PRRC2B: variants seen among roughly 807,000 people sequenced by gnomAD.
The protein encoded by PRRC2B is proline rich coiled-coil 2B.
A neutral mutation model predicts 242.3 loss-of-function variants in PRRC2B; 68 were observed. That is an observed-to-expected ratio of 0.28 (90% CI 0.23 to 0.34). The LOEUF is 0.34. PRRC2B is among the 10% of genes least tolerant of loss of function. The probability of loss-of-function intolerance (pLI) is 1.00; values close to 1 mark genes in which losing one functional copy is unlikely to be tolerated. For missense variants in PRRC2B, 2,835 were observed against 2,954.8 expected, an observed-to-expected ratio of 0.96 and a Z score of 0.94; for synonymous variants, 1,228 against 1,173.6, an observed-to-expected ratio of 1.05 and a Z score of -0.95.
chr9:131,495,816 T>C lies in PRRC2B; in HGVS notation c.6632T>C (p.Met2211Thr), dbSNP rs958751382. 16 of 1,613,322 alleles carry C rather than the reference T, an allele frequency of 9.9e-6. No homozygotes were observed. Among genetic ancestry groups the C allele is most frequent in the Non-Finnish European group, 1.4e-5 (16 of 1,179,384 alleles). Residue 2211 changes from methionine to threonine, a missense_variant, in exon 32 of 32, where the codon ATG becomes ACG. By Grantham distance (81) the Met-to-Thr change is moderately conservative. Coordinates refer to ENST00000683519, the MANE Select transcript of PRRC2B (RefSeq NM_013318.4). ...LQEAPSAASQ[M>T]KRTGAIKPRA... The stretch of plus-strand genomic sequence containing the variant: ...GAGGCCCCCTCGGCTGCCTCCCAGA[T>C]GAAGCGAACCGGAGCGATCAAGCCT...
At chr9:131,404,395 T>C (rs543870562) in intron 1 of PRRC2B, among the ~76,000 whole-genome samples, 25 of 152,224 alleles carry the variant, frequency 1.6e-4, no homozygotes, top group African/African-American at 5.8e-4. Flanking sequence ...GATTTTTTTG[T>C]ATTTTTAATA....
Position 131,476,053 on chromosome 9 carries a change from T to C in PRRC2B, c.3924T>C (p.Asp1308=). Residue 1308 remains aspartate (D), a synonymous_variant, in exon 16 of 32, where the codon GAT becomes GAC. Transcript: ENST00000683519. ...GGAGAAGGCGCCCCCCACGCCAAGA[T>C]AAGCCCCCTCGATTCCGGCGCCTCC... ...PFRRRRPPRQ[D]KPPRFRRLRQ... 1 of 1,607,154 alleles carries C rather than the reference T, an allele frequency of 6.2e-7. No homozygotes were observed.
chr9:131,480,314 A>T (rs1943821232), intron 19 of PRRC2B, among the ~76,000 whole-genome samples: 2 of 152,242 alleles, frequency 1.3e-5, no homozygotes, highest in African/African-American at 4.8e-5. Context: ...CTACAAAATA[A>T]CATTCAACAT....
At chr9:131,413,960 A>G (rs1837572953) in intron 1 of PRRC2B, among the ~76,000 whole-genome samples, 1 of 152,176 alleles carries the variant, frequency 6.6e-6, no homozygotes, top group African/African-American at 2.4e-5. Flanking sequence ...GTAAGCCACC[A>G]CGCCGGGCCT....
intron 19 of PRRC2B, among the ~76,000 whole-genome samples, chr9:131,481,395 A>G (rs955545061): frequency 1.3e-5 from 2 of 152,076 alleles, no homozygotes; most frequent in African/African-American, 4.8e-5. Flanking sequence ...AGTATAAGTG[A>G]AAAGAAGCAT....
rs749051569 is a variant in PRRC2B, at chr9:131,472,471, ATT to A, written c.2108-1015_2108-1014del. On this transcript the variant is annotated intron_variant, in intron 14 of 31. Coordinates refer to ENST00000683519, the MANE Select transcript of PRRC2B (RefSeq NM_013318.4). ...AGGCGCCCACCACCACGCCCAGCTA[ATT>A]TTTTTTTTTTTTTTTTTTTTTGAGA... Among the ~76,000 whole-genome samples the A allele has an allele frequency of 6.8e-4, 62 of 91,504 alleles. 1 individual carries two copies. The highest frequency in any genetic ancestry group is 1.4e-3 in the African/African-American group (30 of 21,788). The allele number at this position is 91,504 out of a possible 152,430, so 60.0% of individuals were successfully genotyped here. A position where few individuals can be genotyped will look rare whatever the true frequency, so the allele number is the denominator to read the frequency against.
At position 131,474,605 on chromosome 9, in the gene PRRC2B, G is replaced by A; in HGVS notation, c.2476G>A (p.Gly826Ser). The change falls in exon 16 of 32, where the codon GGC becomes AGC. Residue 826 changes from glycine to serine, a missense_variant. This residue lies in a region of PRRC2B where 1,536 missense variants were observed against 1,483.1 expected (regional missense o/e 1.04). Coordinates refer to ENST00000683519, the MANE Select transcript of PRRC2B (RefSeq NM_013318.4). ...CAGCTGTATCTCTTCTCAAAGAATAGGCCAGGAGCTTTTGTTTCCACCCCA... is the reference window on the plus strand; with the variant it reads ...CAGCTGTATCTCTTCTCAAAGAATAAGCCAGGAGCTTTTGTTTCCACCCCA... Reference protein sequence around the residue: ...FDSCISSQRIGQELLFPPQEN... With the variant: ...FDSCISSQRISQELLFPPQEN... 6.2e-7 allele frequency: 1 copy of A among 1,614,038 alleles called. No individual in the cohort carries two copies. Among genetic ancestry groups the A allele is most frequent in the Non-Finnish European group, 8.5e-7 (1 of 1,179,900 alleles).
chr9:131,452,116 GGTATTTTTGTAAGATCAGTATTA>G, intron 9 of PRRC2B, among the ~76,000 whole-genome samples: 1 of 11,884 alleles, frequency 8.4e-5, no homozygotes, highest in Non-Finnish European at 3.1e-4. Flanking sequence ...GTATAAGATT[GGTATTTTTGTAAGATCAGTATTA>G]TATATTTTTC....
intron 9 of PRRC2B, among the ~76,000 whole-genome samples, chr9:131,450,952 C>T (rs1474390865): frequency 1.3e-5 from 2 of 152,180 alleles, no homozygotes; most frequent in African/African-American, 4.8e-5. Flanking sequence ...TCATTTCTCT[C>T]AGCAGTGTCT....
intron 3 of PRRC2B, 91 bp downstream of exon 3, chr9:131,432,885 G>A: frequency 7.6e-7 from 1 of 1,316,176 alleles, no homozygotes; most frequent in Non-Finnish European, 1.1e-6. Flanking sequence ...CTAACCCTTT[G>A]GCTACTGCAG....
intron 1 of PRRC2B, among the ~76,000 whole-genome samples, chr9:131,376,675 C>T (rs1026886596): frequency 6.6e-6 from 1 of 152,104 alleles, no homozygotes; most frequent in African/African-American, 2.4e-5. Context: ...CTTGCAGCGC[C>T]ACTTGGAACA....
chr9:131,481,915 C>T, intron 20 of PRRC2B, 107 bp downstream of exon 20: 1 of 1,007,318 alleles, frequency 9.9e-7, no homozygotes, highest in Non-Finnish European at 1.5e-6. Context: ...CCTGCCACAG[C>T]AGCTGAGCTT....
rs1262588286 is a variant in PRRC2B at position 131,499,927 on chromosome 9, C to A, written c.*4053C>A. On this transcript the variant is annotated 3_prime_UTR_variant, in exon 32 of 32. Transcript: ENST00000683519. ...TCCTTTTGTTTATGTTTTGGCCTTT[C>A]CTCTTTGTCTTTCCATGTAGACCAG... is the stretch of plus-strand genomic sequence containing the variant. The A allele has an allele frequency of 6.6e-6, 1 of 152,154 alleles. No homozygotes were observed. Among genetic ancestry groups the A allele is most frequent in the East Asian group, 1.9e-4 (1 of 5,192 alleles). 9.4% of individuals were successfully genotyped at this position (152,154 alleles called of 1,614,324 possible).
rs377034305 is a variant in PRRC2B at position 131,459,216 on chromosome 9, A to G, written c.1264A>G (p.Ser422Gly). 6.7e-5 allele frequency: 108 copies of G among 1,614,026 alleles called. No homozygotes were observed. The highest frequency in any genetic ancestry group is 1.6e-4 in the Middle Eastern group (1 of 6,062). Reference protein sequence around the residue: ...QRQLSMSSADSADAKRTREEG... With the variant: ...QRQLSMSSADGADAKRTREEG... ...GCAGTTGTCAATGAGCTCTGCAGAC[A>G]GTGCGGACGCTAAGCGGACTCGAGA... The change falls in exon 11 of 32, where the codon AGT becomes GGT. Residue 422 changes from serine (S) to glycine (G), a missense_variant. Ser to Gly is a moderately conservative substitution (Grantham distance 56). This residue lies in a region of PRRC2B where 626 missense variants were observed against 685.5 expected (regional missense o/e 0.91). Coordinates refer to ENST00000683519, the MANE Select transcript of PRRC2B (RefSeq NM_013318.4).
chr9:131,390,608 G>A (rs1341115474), upstream of PRRC2B, among the ~76,000 whole-genome samples: 4 of 141,896 alleles, frequency 2.8e-5, no homozygotes, highest in Non-Finnish European at 6.1e-5. Context: ...TCAGCCTCCC[G>A]AGTAGCTGGG....
intron 28 of PRRC2B, 107 bp downstream of exon 28, chr9:131,488,203 G>T: frequency 7.0e-7 from 1 of 1,438,738 alleles, no homozygotes; most frequent in Non-Finnish European, 9.2e-7. Context: ...CGTGCTGTTG[G>T]TTGGTAGCCA....
Position 131,447,800 on chromosome 9 carries a change from G to A in PRRC2B, c.1116G>A (p.Trp372Ter). The change falls in exon 9 of 32, where the codon TGG becomes TGA. Residue 372 changes from tryptophan to a stop codon, truncating the protein, a stop_gained. Coordinates refer to ENST00000683519, the MANE Select transcript of PRRC2B (RefSeq NM_013318.4). LOFTEE classifies it high-confidence loss of function. The stretch of plus-strand genomic sequence containing the variant: ...TGGACGCCGATGCCGATGATGGCTG[G>A]GCAGGTGGGCAGAGAAGCACGGGTG... ...DDLDADADDGWAGLHEEVDYS... is the reference protein window; with the variant it reads ...DDLDADADDG 6.2e-7 allele frequency: 1 copy of A among 1,611,606 alleles called. No homozygotes were observed.
intron 1 of PRRC2B, among the ~76,000 whole-genome samples, chr9:131,375,508 C>G (rs2131260315): frequency 6.6e-6 from 1 of 152,218 alleles, no homozygotes; most frequent in South Asian, 2.1e-4. Context: ...AATGCCTAAT[C>G]CATAATCTGC....
chr9:131,434,829 T>C (rs557583346), intron 3 of PRRC2B, among the ~76,000 whole-genome samples: 1 of 152,312 alleles, frequency 6.6e-6, no homozygotes, highest in South Asian at 2.1e-4. Context: ...TTCGGCCATT[T>C]CTTGTTGATT....
Sources: allele counts gnomAD v4.1 joint callset (sites outside exome capture counted in the v4.1 genomes callset), GRCh38; gene constraint gnomAD v4.1.1; regional missense constraint gnomAD v4.1.1; transcripts MANE v1.5; gene names NCBI Gene and HGNC (gene_info 2026-07-23, HGNC 2026-07-21).